The following RIN2 variants were observed in gnomAD, a reference collection of about 807,000 sequenced individuals.
The protein encoded by RIN2 is RAB5 interacting protein 2.
A neutral mutation model predicts 78.0 loss-of-function variants in RIN2; 36 were observed. That is an observed-to-expected ratio of 0.46 (90% CI 0.35 to 0.61). The LOEUF is 0.61. Ranked by LOEUF, RIN2 falls within the 20% of genes least tolerant of loss-of-function variation. The pLI is 0.00. For missense variants in RIN2, 1,087 were observed against 1,159.7 expected (o/e 0.94, Z 0.91); for synonymous variants, 466 against 466.8 (o/e 1.00, Z 0.02).
chr20:19,784,094 T>C (rs2034595907), intron 1 of RIN2, among the ~76,000 whole-genome samples: 1 of 152,180 alleles, frequency 6.6e-6, no homozygotes, highest in Non-Finnish European at 1.5e-5. Context: ...TGCTTGAAAT[T>C]GGCCAATTGC....
At chr20:19,834,333 G>T (rs942580923) in intron 2 of RIN2, among the ~76,000 whole-genome samples, 4 of 152,218 alleles carry the variant, frequency 2.6e-5, no homozygotes, top group Non-Finnish European at 4.4e-5. Flanking sequence ...AGTGGAAGCT[G>T]CCTATGGGTG....
At chr20:19,817,480 A>G (rs1299555502) in intron 2 of RIN2, among the ~76,000 whole-genome samples, 1 of 150,504 alleles carries the variant, frequency 6.6e-6, no homozygotes, top group Non-Finnish European at 1.5e-5. Flanking sequence ...TACTATTGCA[A>G]TGGGGATTCG....
chr20:19,796,929 GTT>G (rs894353836), intron 1 of RIN2, among the ~76,000 whole-genome samples: 4 of 152,216 alleles, frequency 2.6e-5, no homozygotes, highest in African/African-American at 9.6e-5. Context: ...CAGAGTCAAT[GTT>G]TTTTGTTTTT....
At chr20:19,815,914 A>G (rs2035753551) in intron 2 of RIN2, among the ~76,000 whole-genome samples, 2 of 152,248 alleles carry the variant, frequency 1.3e-5, no homozygotes, top group African/African-American at 4.8e-5. Flanking sequence ...TATAGTTTGT[A>G]GCAATCCATG....
intron 1 of RIN2, among the ~76,000 whole-genome samples, chr20:19,778,136 G>A (rs1299318556): frequency 3.9e-5 from 6 of 152,330 alleles, no homozygotes; most frequent in African/African-American, 7.2e-5. Flanking sequence ...GCGTTGCCCC[G>A]GGTGTTTATA....
intron 9 of RIN2, among the ~76,000 whole-genome samples, chr20:19,976,518 T>G (rs6112696): frequency 0.026 from 4,023 of 152,298 alleles, 127 homozygotes; most frequent in African/African-American, 0.078. Flanking sequence ...AAGGGGAAAT[T>G]CTTTCTTTAT....
At chr20:19,907,829 A>G (rs1027803127) in intron 3 of RIN2, among the ~76,000 whole-genome samples, 2 of 152,190 alleles carry the variant, frequency 1.3e-5, no homozygotes, top group African/African-American at 2.4e-5. Context: ...AGGGCTGCCA[A>G]TCCCTGTTGC....
intron 4 of RIN2, among the ~76,000 whole-genome samples, chr20:19,939,915 G>T (rs1568635598): frequency 6.6e-6 from 1 of 150,754 alleles, no homozygotes; most frequent in Middle Eastern, 3.4e-3. Flanking sequence ...CAATAGTGGT[G>T]TGATATTGGC....
At chr20:19,928,728 C>T (rs902605130) in intron 3 of RIN2, among the ~76,000 whole-genome samples, 1 of 152,126 alleles carries the variant, frequency 6.6e-6, no homozygotes, top group Non-Finnish European at 1.5e-5. Flanking sequence ...GTGTGTTATG[C>T]ACGAATGCAG....
At chr20:19,963,855 CTTTTTTTTTTTTTTT>C (rs869033357) in intron 6 of RIN2, among the ~76,000 whole-genome samples, 11 of 86,622 alleles carry the variant, frequency 1.3e-4, no homozygotes, top group Non-Finnish European at 1.9e-4. Flanking sequence ...CAGTATGTGT[CTTTTTTTTTTTTTTT>C]TTTTTTTTTT....
intron 3 of RIN2, among the ~76,000 whole-genome samples, chr20:19,918,870 TG>T (rs1301395010): frequency 4.6e-5 from 7 of 152,340 alleles, no homozygotes; most frequent in African/African-American, 1.7e-4. Context: ...GGGAATATTT[TG>T]TGCTTTATTG....
chr20:19,839,278 A>G (rs2036512461), intron 2 of RIN2, among the ~76,000 whole-genome samples: 1 of 152,250 alleles, frequency 6.6e-6, no homozygotes, highest in Admixed American at 6.5e-5. Context: ...AATAAAGGCC[A>G]GGATGGGACC....
chr20:19,965,102 G>A, intron 7 of RIN2, 78 bp downstream of exon 7: 2 of 1,190,636 alleles, frequency 1.7e-6, no homozygotes, highest in South Asian at 2.5e-5. Context: ...TTTCTTGAAG[G>A]ATCTAGGAGG....
intron 7 of RIN2, 32 bp downstream of exon 7, chr20:19,965,056 G>T: frequency 1.3e-6 from 2 of 1,559,618 alleles, no homozygotes; most frequent in Non-Finnish European, 8.8e-7. Context: ...TGGTTTCAAG[G>T]CCCTGTTTGG....
chr20:19,968,028 T>C (rs1270465984), intron 7 of RIN2, among the ~76,000 whole-genome samples: 1 of 152,162 alleles, frequency 6.6e-6, no homozygotes, highest in African/African-American at 2.4e-5. Context: ...AAGCCCGTAT[T>C]TTCCCACCAT....
At chr20:19,889,030 A>G (rs2038323007) in intron 2 of RIN2, 1 of 676,708 alleles carries the variant, frequency 1.5e-6, no homozygotes, top group East Asian at 1.3e-4. Flanking sequence ...CAGTGACAGG[A>G]TTTTATCCAA....
At chr20:19,773,921 T>A (rs957395479) in intron 1 of RIN2, among the ~76,000 whole-genome samples, 4 of 148,960 alleles carry the variant, frequency 2.7e-5, no homozygotes, top group Non-Finnish European at 5.9e-5. Flanking sequence ...TATATATATA[T>A]AATAAAGATA....
intron 1 of RIN2, among the ~76,000 whole-genome samples, chr20:19,779,303 A>C (rs1182645469): frequency 6.6e-6 from 1 of 152,174 alleles, no homozygotes; most frequent in African/African-American, 2.4e-5. Context: ...CAGATTAAAA[A>C]AAAAATCCTC....
intron 1 of RIN2, among the ~76,000 whole-genome samples, chr20:19,788,463 A>G (rs558537969): frequency 2.1e-4 from 31 of 151,134 alleles, no homozygotes; most frequent in Non-Finnish European, 5.9e-5. Context: ...CTAGCTAGGC[A>G]TGGTGGCAGG....
Sources: allele counts gnomAD v4.1 joint callset (sites outside exome capture counted in the v4.1 genomes callset), GRCh38; gene constraint gnomAD v4.1.1; transcripts MANE v1.5; gene names NCBI Gene and HGNC (gene_info 2026-07-23, HGNC 2026-07-21).